The following ABCB6 variants were observed in gnomAD, a reference collection of about 807,000 sequenced individuals.
The protein encoded by ABCB6 is ATP-binding cassette sub-family B member 6.
ABCB6 carries 87 observed loss-of-function variants against 99.4 expected under a neutral mutation model. That is an observed-to-expected ratio of 0.88 (90% CI 0.74 to 1.05). The LOEUF is 1.05. Among genes scored for constraint, ABCB6 ranks in the 50% least tolerant of loss-of-function variants. The pLI is 0.00. For synonymous variants in ABCB6, 482 were observed against 447.5 expected, an observed-to-expected ratio of 1.08 and a Z score of -0.97; for missense variants, 1,050 against 1,097.9, an observed-to-expected ratio of 0.96 and a Z score of 0.62.
At chr2:219,217,869 T>C (rs1179460560) in intron 1 of ABCB6, 62 bp from the exon 2 acceptor site, 14 of 1,580,668 alleles carry the variant, frequency 8.9e-6, no homozygotes, top group Admixed American at 5.6e-5. Context: ...TATTACTACT[T>C]ATAATAGGGC....
chr2:219,214,036 C>T (rs1950609896), intron 8 of ABCB6, 85 bp from the exon 9 acceptor site: 3 of 1,612,662 alleles, frequency 1.9e-6, no homozygotes, highest in South Asian at 2.2e-5. Flanking sequence ...CCCTTCTACC[C>T]CAACACTCGA....
intron 18 of ABCB6, 35 bp from the exon 19 acceptor site, chr2:219,210,081 T>C (rs751581597): frequency 1.9e-6 from 3 of 1,606,792 alleles, no homozygotes; most frequent in African/African-American, 1.3e-5. Context: ...TCCTAACCAT[T>C]AGTTTTACCC....
At chr2:219,218,100 T>TC (rs1950669324) in intron 1 of ABCB6, 25 bp downstream of exon 1, 1 of 1,575,702 alleles carries the variant, frequency 6.3e-7, no homozygotes, top group African/African-American at 1.4e-5. Flanking sequence ...AGCAGAGGCT[T>TC]CCCCCTTCCC....
intron 2 of ABCB6, among the ~76,000 whole-genome samples, chr2:219,217,212 A>C (rs1950652277): frequency 6.6e-6 from 1 of 152,160 alleles, no homozygotes; most frequent in Non-Finnish European, 1.5e-5. Flanking sequence ...TACAAAAATT[A>C]GCCGGGTACA....
chr2:219,213,567 G>T (rs1291371610), intron 10 of ABCB6, 23 bp downstream of exon 10: 4 of 1,613,960 alleles, frequency 2.5e-6, no homozygotes, highest in Middle Eastern at 1.6e-4. Context: ...CCCTGGACAG[G>T]TGAGGGCCAG....
chr2:219,217,833 G>C, intron 1 of ABCB6, 26 bp from the exon 2 acceptor site: 2 of 1,573,414 alleles, frequency 1.3e-6, no homozygotes, highest in Non-Finnish European at 1.7e-6. Context: ...AGTGGAGAGA[G>C]TATCATTGAG....
rs775136730 is a variant in ABCB6 at position 219,216,317 on chromosome 2, G to C, written c.970+47C>G. 2.5e-6 allele frequency: 4 copies of C among 1,595,312 alleles called. No homozygotes were observed. In the Admixed American group the frequency reaches 5.0e-5, roughly 20 times the overall value. ...AGAGGCGGATGCTGAGGGAATGCCT[G>C]TGGGAGGGACCTATACCTAGCAGGG... On this transcript the variant is annotated intron_variant, in intron 4 of 18. Coordinates refer to ENST00000265316, the MANE Select transcript of ABCB6 (RefSeq NM_005689.4). The surrounding 1 kb of genome is among the most constrained non-coding windows in gnomAD (Gnocchi z 4.2).
At chr2:219,212,679 G>A (rs1950593303) in intron 13 of ABCB6, among the ~76,000 whole-genome samples, 188 bp from the exon 14 acceptor site, 1 of 151,970 alleles carries the variant, frequency 6.6e-6, no homozygotes, top group Non-Finnish European at 1.5e-5. Context: ...CCGCCACCAT[G>A]CCCGGCTAAT....
In ABCB6 at chr2:219,210,986, C is replaced by T; in HGVS notation, c.2091G>A (p.Glu697=). The change falls in exon 15 of 19, where the codon GAG becomes GAA. Residue 697 remains glutamate (E), a synonymous_variant. Transcript: ENST00000265316. ...GRVTAGNDEV[E]AAAQAAGIHD... ...GGATGCCTGCAGCCTGAGCAGCAGC[C>T]TCCACCTCATCATTCCCAGCTGTGA... The T allele has an allele frequency of 6.2e-7, 1 of 1,614,196 alleles. No homozygotes were observed. Among genetic ancestry groups the T allele is most frequent in the Non-Finnish European group, 8.5e-7 (1 of 1,180,036 alleles).
At chr2:219,214,782 C>G (rs1160307841) in intron 6 of ABCB6, 179 bp downstream of exon 6, 2 of 712,600 alleles carry the variant, frequency 2.8e-6, no homozygotes, top group Non-Finnish European at 4.6e-6. Context: ...AGCCCCTCAG[C>G]TAGGTTAAGG....
chr2:219,218,297 AC>A lies in ABCB6; in HGVS notation c.376del (p.Val126SerfsTer124), dbSNP rs377591749. 113 of 1,613,106 alleles carry A rather than the reference AC, an allele frequency of 7.0e-5. No homozygotes were observed. In the African/African-American group the frequency reaches 1.3e-3, roughly 19 times the overall value. On this transcript the variant is annotated frameshift_variant, in exon 1 of 19. Transcript: ENST00000265316. LOFTEE classifies it high-confidence loss of function. ...CTGCCGTGCCTGGCTCCGCTCCACG[AC>A]AAGCAGCCACAGGCCACAGGCGCCG... is the stretch of plus-strand genomic sequence containing the variant. ...LAGACGLWLL[V>X]VERSQARQRL... is the part of the protein sequence containing the mutation.
chr2:219,213,041 A>G lies in ABCB6; in HGVS notation c.1830T>C (p.Ser610=), dbSNP rs767172815. Residue 610 remains serine, a synonymous_variant, in exon 13 of 19, where the codon TCT becomes TCC. Transcript: ENST00000265316. The stretch of plus-strand genomic sequence containing the variant: ...GTGTCTGTCCAGGCATCACAGTGAA[A>G]GACACGTCCTGCAGAGTCTCCCGCC... ...ADGRETLQDV[S]FTVMPGQTLA... is the part of the protein sequence containing the mutation. 1.2e-6 allele frequency: 2 copies of G among 1,614,040 alleles called. No individual in the cohort carries two copies. Among genetic ancestry groups the G allele is most frequent in the South Asian group, 2.2e-5 (2 of 91,052 alleles).
At chr2:219,211,825 G>A (rs1410512981) in intron 14 of ABCB6, among the ~76,000 whole-genome samples, 1 of 148,126 alleles carries the variant, frequency 6.8e-6, no homozygotes, top group Non-Finnish European at 1.5e-5. Context: ...GTGCAGTGGC[G>A]CCATCTCGGC....
chr2:219,216,555 GA>G lies in ABCB6; in HGVS notation c.869-91del. The G allele has an allele frequency of 6.5e-7, 1 of 1,544,132 alleles. No individual in the cohort carries two copies. Among genetic ancestry groups the G allele is most frequent in the Middle Eastern group, 1.7e-4 (1 of 5,938 alleles). On this transcript the variant is annotated intron_variant, in intron 3 of 18. Coordinates refer to ENST00000265316, the MANE Select transcript of ABCB6 (RefSeq NM_005689.4). This position sits in a 1 kb window ranked among gnomAD's most constrained non-coding sequence, Gnocchi z 4.2. The stretch of plus-strand genomic sequence containing the variant: ...CAGGTACCAGCCACAGTCTCTTTCT[GA>G]CCACCCAGCTCTGTCCCACCTCCCT...
chr2:219,215,325 C>A, intron 5 of ABCB6: 1 of 472,116 alleles, frequency 2.1e-6, no homozygotes, highest in Non-Finnish European at 3.8e-6. Context: ...CCATAATGTT[C>A]TGTTAATAAG....
chr2:219,209,880 G>A lies in ABCB6; in HGVS notation c.*58C>T. 1 of 1,302,470 alleles carries A rather than the reference G, an allele frequency of 7.7e-7. No individual in the cohort carries two copies. Among genetic ancestry groups the A allele is most frequent in the Middle Eastern group, 1.8e-4 (1 of 5,454 alleles). The allele number at this position is 1,302,470 out of a possible 1,614,324, so 80.7% of individuals were successfully genotyped here. A position where few individuals can be genotyped will look rare whatever the true frequency, so the allele number is the denominator to read the frequency against. On this transcript the variant is annotated 3_prime_UTR_variant, in exon 19 of 19. Coordinates refer to ENST00000265316, the MANE Select transcript of ABCB6 (RefSeq NM_005689.4). The stretch of plus-strand genomic sequence containing the variant: ...CCAGGATGAAATAAGCCAGGGAAAG[G>A]AGACACATCTTATTCCCTTCTGGGT...
chr2:219,216,793 C>A lies in ABCB6; in HGVS notation c.727G>T (p.Gly243Cys). 1 of 1,612,966 alleles carries A rather than the reference C, an allele frequency of 6.2e-7. No homozygotes were observed. Among genetic ancestry groups the A allele is most frequent in the Non-Finnish European group, 8.5e-7 (1 of 1,179,728 alleles). The change falls in exon 3 of 19, where the codon GGC becomes TGC. Residue 243 changes from glycine (G) to cysteine (C), a missense_variant. Gly to Cys is a radical substitution (Grantham distance 159). Transcript: ENST00000265316. This position sits in a 1 kb window ranked among gnomAD's most constrained non-coding sequence, Gnocchi z 4.2. ...AAQQSTWRDF[G>C]RKLRLLSGYL... is the part of the protein sequence containing the mutation. ...CCACTCAGGAGGCGGAGCTTCCTGC[C>A]AAAATCTCGCCAGGTAGACTGTTGG... is the stretch of plus-strand genomic sequence containing the variant.
intron 5 of ABCB6, 51 bp downstream of exon 5, chr2:219,215,946 C>T: frequency 6.7e-7 from 1 of 1,482,634 alleles, no homozygotes; most frequent in Non-Finnish European, 9.0e-7. Context: ...GGCCCCTATC[C>T]CTGCTTCTCC....
chr2:219,211,096 A>G lies in ABCB6; in HGVS notation c.1981T>C (p.Ser661Pro), dbSNP rs1354495193. 6.2e-7 allele frequency: 1 copy of G among 1,614,112 alleles called. No individual in the cohort carries two copies. Among genetic ancestry groups the G allele is most frequent in the Non-Finnish European group, 8.5e-7 (1 of 1,180,004 alleles). The stretch of plus-strand genomic sequence containing the variant: ...ACAACTCCAATGTGAGACCGGAGAG[A>G]GGCCTGGGTCACCTAGGGCCAAAAG... ...GQDISQVTQA[S>P]LRSHIGVVPQ... Residue 661 changes from serine (S) to proline (P), a missense_variant, in exon 15 of 19, where the codon TCT becomes CCT. Coordinates refer to ENST00000265316, the MANE Select transcript of ABCB6 (RefSeq NM_005689.4).
Sources: allele counts gnomAD v4.1 joint callset (sites outside exome capture counted in the v4.1 genomes callset), GRCh38; gene constraint gnomAD v4.1.1; non-coding constraint Gnocchi (gnomAD v3.1); transcripts MANE v1.5; gene names NCBI Gene and HGNC (gene_info 2026-07-23, HGNC 2026-07-21).